Variants in EYA4 observed in about 807,000 individuals in gnomAD.
EYA4 encodes the protein EYA transcriptional coactivator and phosphatase 4, also known as protein phosphatase EYA4.
In EYA4, 31 loss-of-function variants were observed where a neutral mutation model predicts 87.9. The ratio of observed to expected loss-of-function variants is 0.35; its 90% CI spans 0.27 to 0.48. The LOEUF (loss-of-function observed/expected upper bound fraction) is 0.48, where lower values mean the gene tolerates loss of function less well. EYA4 is among the 20% of genes least tolerant of loss of function. The pLI, the probability that EYA4 is intolerant of heterozygous loss-of-function variation, is 0.99. For missense variants in EYA4, 678 were observed against 761.4 expected (o/e 0.89, Z 1.29); for synonymous variants, 263 against 270.6 (o/e 0.97, Z 0.28).
intron 2 of EYA4, among the ~76,000 whole-genome samples, chr6:133,325,050 A>T (rs924362934): frequency 2.6e-5 from 4 of 151,746 alleles, no homozygotes; most frequent in African/African-American, 9.7e-5. Context: ...AGCTGGGACT[A>T]CAGTCGCCCA....
intron 16 of EYA4, among the ~76,000 whole-genome samples, chr6:133,515,088 C>A (rs1185197031): frequency 2.6e-5 from 4 of 152,158 alleles, no homozygotes; most frequent in Non-Finnish European, 5.9e-5. Context: ...AGACTGGGGC[C>A]ACTTTTCAGT....
chr6:133,279,046 A>G (rs1483916386), intron 2 of EYA4, among the ~76,000 whole-genome samples: 2 of 152,102 alleles, frequency 1.3e-5, no homozygotes, highest in African/African-American at 4.8e-5. Context: ...TTATAGATTG[A>G]GGTGTTTTAT....
In EYA4 at chr6:133,523,110, G is replaced by A. The variant is rs768995654; in HGVS notation, c.1671G>A (p.Ala557=). The A allele has an allele frequency of 1.4e-5, 23 of 1,612,226 alleles. No homozygotes were observed. Among genetic ancestry groups the A allele is most frequent in the South Asian group, 4.4e-5 (4 of 91,044 alleles). The change falls in exon 18 of 20, where the codon GCG becomes GCA. Residue 557 remains alanine (A), a synonymous_variant. Coordinates refer to ENST00000355286, the MANE Select transcript of EYA4 (RefSeq NM_004100.5). ...VTTTQLIPAL[A]KVLLYSLGGA... ...CAACTCAACTGATCCCAGCACTTGC[G>A]AAGGTTCTACTCTATAGTTTAGGAG... is the stretch of plus-strand genomic sequence containing the variant.
chr6:133,415,428 G>C (rs538058822), intron 3 of EYA4, among the ~76,000 whole-genome samples: 1 of 152,174 alleles, frequency 6.6e-6, no homozygotes, highest in East Asian at 1.9e-4. Context: ...CTCACTGCTC[G>C]GTCTTTTCTG....
intron 2 of EYA4, chr6:133,363,125 T>TTAC (rs1784578068): frequency 6.6e-6 from 1 of 152,464 alleles, no homozygotes; most frequent in East Asian, 1.9e-4. Context: ...CTAGCAGACC[T>TTAC]TACGGGTGGG....
chr6:133,423,620 G>C (rs1295756552), intron 3 of EYA4, among the ~76,000 whole-genome samples: 2 of 152,062 alleles, frequency 1.3e-5, no homozygotes, highest in Admixed American at 6.5e-5. Flanking sequence ...TATTACAAAG[G>C]TAGTATAGTT....
chr6:133,496,869 T>A (rs996845710), intron 13 of EYA4, among the ~76,000 whole-genome samples: 19 of 152,194 alleles, frequency 1.2e-4, no homozygotes, highest in African/African-American at 3.9e-4. Context: ...GGTCAATGTT[T>A]ACTCCTGCAC....
At chr6:133,339,490 TATG>T (rs933721748) in intron 2 of EYA4, among the ~76,000 whole-genome samples, 7 of 152,078 alleles carry the variant, frequency 4.6e-5, no homozygotes, top group African/African-American at 1.7e-4. Context: ...ATTGGGGAAA[TATG>T]ATAACATGTG....
chr6:133,304,315 G>A (rs968636430), intron 2 of EYA4, among the ~76,000 whole-genome samples: 2 of 152,106 alleles, frequency 1.3e-5, no homozygotes, highest in African/African-American at 4.8e-5. Context: ...TGCAACTCTG[G>A]GAGCTGTGCC....
chr6:133,425,179 G>A (rs1790563996), intron 3 of EYA4, among the ~76,000 whole-genome samples: 2 of 150,662 alleles, frequency 1.3e-5, no homozygotes, highest in Admixed American at 1.3e-4. Context: ...ATATATATAT[G>A]CGCCTATAAA....
At chr6:133,356,746 A>AGTGTGTGTGTGTGTGT (rs58234857) in intron 2 of EYA4, among the ~76,000 whole-genome samples, 2 of 136,796 alleles carry the variant, frequency 1.5e-5, no homozygotes, top group African/African-American at 2.7e-5. Flanking sequence ...AGCATTATTC[A>AGTGTGTGTGTGTGTGT]GTGTGTGTGT....
intron 3 of EYA4, among the ~76,000 whole-genome samples, chr6:133,424,907 C>T (rs755704073): frequency 1.3e-5 from 2 of 150,920 alleles, no homozygotes; most frequent in Admixed American, 6.6e-5. Flanking sequence ...CAGTGCCTCC[C>T]TGCTACAGCC....
At chr6:133,314,562 G>A (rs1391178886) in intron 2 of EYA4, among the ~76,000 whole-genome samples, 1 of 152,050 alleles carries the variant, frequency 6.6e-6, no homozygotes, top group Non-Finnish European at 1.5e-5. Context: ...TTTATAGAAA[G>A]CATTAATTCT....
At position 133,462,916 on chromosome 6, in the gene EYA4, C is replaced by T. The variant is rs6922120; in HGVS notation, c.724+152C>T. The T allele has an allele frequency of 6.9e-3, 5,293 of 768,090 alleles. 211 individuals are homozygous for T. In the African/African-American group the frequency reaches 0.076, roughly 11 times the overall value. 47.6% of individuals were successfully genotyped at this position (768,090 alleles called of 1,614,324 possible). A position where few individuals can be genotyped will look rare whatever the true frequency, so the allele number is the denominator to read the frequency against. ...AAAGAAAGATAACTAGACAGAAACACGATGAAATGGTTGAGTATACGTCAG... is the reference window on the plus strand; with the variant it reads ...AAAGAAAGATAACTAGACAGAAACATGATGAAATGGTTGAGTATACGTCAG... On this transcript the variant is annotated intron_variant, in intron 9 of 19. Coordinates refer to ENST00000355286, the MANE Select transcript of EYA4 (RefSeq NM_004100.5).
intron 18 of EYA4, among the ~76,000 whole-genome samples, chr6:133,524,427 C>T (rs963462318): frequency 6.6e-6 from 1 of 151,988 alleles, no homozygotes; most frequent in Non-Finnish European, 1.5e-5. Context: ...GAGAATAATG[C>T]CAATGTTTTA....
intron 2 of EYA4, among the ~76,000 whole-genome samples, chr6:133,346,958 A>G (rs942585171): frequency 2.0e-5 from 3 of 151,622 alleles, no homozygotes; most frequent in Admixed American, 6.6e-5. Context: ...TAATACTGAC[A>G]TTGTAAAGAT....
At chr6:133,455,450 T>C (rs1413324212) in intron 5 of EYA4, among the ~76,000 whole-genome samples, 2 of 152,172 alleles carry the variant, frequency 1.3e-5, no homozygotes, top group Admixed American at 6.6e-5. Context: ...AACCCAGAGC[T>C]CACTGAAGGT....
chr6:133,348,218 G>A (rs1348699602), intron 2 of EYA4, among the ~76,000 whole-genome samples: 1 of 140,280 alleles, frequency 7.1e-6, no homozygotes, highest in Non-Finnish European at 1.5e-5. Flanking sequence ...GGTGGGCACT[G>A]TTCCATCTCC....
In EYA4 at chr6:133,456,558, T is replaced by A; in HGVS notation, c.280T>A (p.Ser94Thr). 3 of 1,606,962 alleles carry A rather than the reference T, an allele frequency of 1.9e-6. No homozygotes were observed. The highest frequency in any genetic ancestry group is 2.6e-6 in the Non-Finnish European group (3 of 1,173,540). Residue 94 changes from serine to threonine, a missense_variant and splice_region_variant, in exon 6 of 20, where the codon TCT (serine) becomes ACT (threonine). Ser to Thr is a moderately conservative substitution (Grantham distance 58, BLOSUM62 1). Coordinates refer to ENST00000355286, the MANE Select transcript of EYA4 (RefSeq NM_004100.5). ...CATGTACTTATTCTTCTACGTAGTG[T>A]CTCTTCTTGCAGTCAAAACAGAGCC... Reference protein sequence around the residue: ...SCNTPSSATMSLLAVKTEPLN... With the variant: ...SCNTPSSATMTLLAVKTEPLN...
Sources: gnomAD v4.1 joint callset for allele counts (sites outside exome capture counted in the v4.1 genomes callset) on GRCh38, gnomAD v4.1.1 for gene constraint, MANE v1.5 for transcripts, NCBI Gene and HGNC (gene_info 2026-07-23, HGNC 2026-07-21) for gene names.